The following GRM8 variants were observed in gnomAD, a reference collection of about 807,000 sequenced individuals.
The protein encoded by GRM8 is metabotropic glutamate receptor 8.
Under a neutral mutation model 87.2 loss-of-function variants are expected in GRM8, and 47 were observed. The observed-to-expected ratio is 0.54, with a 90% CI of 0.43 to 0.69. The LOEUF (loss-of-function observed/expected upper bound fraction) is 0.69. Among genes scored for constraint, GRM8 ranks in the 30% least tolerant of loss-of-function variants. GRM8 has a pLI of 0.00. For synonymous variants in GRM8, 396 were observed against 404.5 expected, an observed-to-expected ratio of 0.98 and a Z score of 0.25; for missense variants, 1,019 against 1,139.2, an observed-to-expected ratio of 0.89 and a Z score of 1.52.
intron 10 of GRM8, among the ~76,000 whole-genome samples, chr7:126,445,062 G>A (rs1449144398): frequency 1.3e-5 from 2 of 152,148 alleles, no homozygotes; most frequent in East Asian, 1.9e-4. Flanking sequence ...CTATTTGGAA[G>A]GCTGAGGTGG....
At chr7:126,563,703 T>G (rs535138775) in intron 8 of GRM8, among the ~76,000 whole-genome samples, 1 of 152,198 alleles carries the variant, frequency 6.6e-6, no homozygotes, top group Non-Finnish European at 1.5e-5. Flanking sequence ...GTTCTCCAAC[T>G]GAACCACTTG....
chr7:126,985,786 A>G (rs958647073), intron 3 of GRM8, among the ~76,000 whole-genome samples: 1 of 152,186 alleles, frequency 6.6e-6, no homozygotes, highest in Non-Finnish European at 1.5e-5. Flanking sequence ...TACATTAATC[A>G]GTTAATAAAG....
chr7:127,047,801 C>T (rs369382310), intron 3 of GRM8, among the ~76,000 whole-genome samples: 12 of 152,296 alleles, frequency 7.9e-5, no homozygotes, highest in Admixed American at 5.2e-4. Context: ...CACACCACTA[C>T]ACATAGCCTG....
chr7:126,648,587 T>C (rs952721158), intron 7 of GRM8, among the ~76,000 whole-genome samples: 5 of 152,256 alleles, frequency 3.3e-5, no homozygotes, highest in African/African-American at 7.2e-5. Context: ...ACAGGACAGA[T>C]TCATTAGCTG....
At chr7:126,625,550 C>T (rs1209958558) in intron 7 of GRM8, among the ~76,000 whole-genome samples, 1 of 152,034 alleles carries the variant, frequency 6.6e-6, no homozygotes, top group African/African-American at 2.4e-5. Flanking sequence ...GTGGAAATGT[C>T]TTCATGATCC....
chr7:126,715,663 C>T (rs77452608), intron 7 of GRM8, among the ~76,000 whole-genome samples: 7,635 of 152,112 alleles, frequency 0.05, 254 homozygotes, highest in Non-Finnish European at 0.055. Flanking sequence ...GAAAAAAATT[C>T]GTGGATAAAT....
At chr7:126,477,350 T>C (rs570188948) in intron 9 of GRM8, among the ~76,000 whole-genome samples, 35 of 152,050 alleles carry the variant, frequency 2.3e-4, no homozygotes, top group African/African-American at 8.2e-4. Flanking sequence ...ATACTAAAAA[T>C]TTGTTAAGAG....
At chr7:126,472,130 C>T (rs1805341485) in intron 9 of GRM8, among the ~76,000 whole-genome samples, 1 of 152,174 alleles carries the variant, frequency 6.6e-6, no homozygotes, top group African/African-American at 2.4e-5. Context: ...ATGTCATCTG[C>T]AAGCAGGGAC....
intron 3 of GRM8, among the ~76,000 whole-genome samples, chr7:127,087,002 G>GA (rs2132853602): frequency 1.3e-5 from 2 of 152,262 alleles, no homozygotes; most frequent in East Asian, 1.9e-4. Context: ...TTTCTCCAAG[G>GA]AAAAAATAAA....
intron 6 of GRM8, among the ~76,000 whole-genome samples, chr7:126,787,462 C>T (rs1164305892): frequency 6.6e-6 from 1 of 152,068 alleles, no homozygotes; most frequent in Non-Finnish European, 1.5e-5. Context: ...AACTCATTTA[C>T]CCTTAAAACA....
chr7:126,995,031 G>T (rs866345497), intron 3 of GRM8, among the ~76,000 whole-genome samples: 5 of 152,170 alleles, frequency 3.3e-5, no homozygotes, highest in African/African-American at 1.2e-4. Context: ...CCCAGCTCCA[G>T]GTGGTTCAGC....
chr7:127,196,814 T>C (rs945192724), intron 2 of GRM8, among the ~76,000 whole-genome samples: 1 of 152,184 alleles, frequency 6.6e-6, no homozygotes, highest in African/African-American at 2.4e-5. Flanking sequence ...TCCTGTAACA[T>C]AGAGATGATA....
At chr7:126,814,248 C>T (rs1432068455) in intron 6 of GRM8, among the ~76,000 whole-genome samples, 1 of 152,030 alleles carries the variant, frequency 6.6e-6, no homozygotes, top group African/African-American at 2.4e-5. Flanking sequence ...TGTTTACAAT[C>T]CTTTCCTACA....
At chr7:126,624,613 T>C (rs1315313766) in intron 7 of GRM8, among the ~76,000 whole-genome samples, 6 of 152,248 alleles carry the variant, frequency 3.9e-5, no homozygotes, top group Admixed American at 3.9e-4. Flanking sequence ...TTCTCCACCA[T>C]ATATATAGCT....
chr7:127,207,002 A>G (rs547397476), intron 2 of GRM8, among the ~76,000 whole-genome samples: 2 of 152,174 alleles, frequency 1.3e-5, no homozygotes, highest in Non-Finnish European at 2.9e-5. Context: ...GACCACAAAC[A>G]TGAATGCGTG....
At chr7:126,556,779 C>T (rs966550474) in intron 8 of GRM8, among the ~76,000 whole-genome samples, 1 of 152,062 alleles carries the variant, frequency 6.6e-6, no homozygotes, top group Admixed American at 6.6e-5. Flanking sequence ...CAAAAGACTC[C>T]AAATGTATGT....
chr7:127,014,824 CT>C (rs1159477897), intron 3 of GRM8, among the ~76,000 whole-genome samples: 1 of 151,326 alleles, frequency 6.6e-6, no homozygotes, highest in Admixed American at 6.6e-5. Context: ...TCAACTTCAA[CT>C]TAAGTGTGGC....
At chr7:126,775,479 G>GTTTT (rs372733476) in intron 6 of GRM8, among the ~76,000 whole-genome samples, 22 of 104,752 alleles carry the variant, frequency 2.1e-4, no homozygotes, top group African/African-American at 8.7e-4. Context: ...TGACAAATAG[G>GTTTT]TTTTTTTTTT....
chr7:126,509,074 T>C (rs917465697), intron 9 of GRM8, among the ~76,000 whole-genome samples: 3 of 152,082 alleles, frequency 2.0e-5, no homozygotes, highest in Admixed American at 6.6e-5. Context: ...TAATTATTCC[T>C]GGGAGCAAGA....
Sources: allele counts gnomAD v4.1 joint callset (sites outside exome capture counted in the v4.1 genomes callset), GRCh38; gene constraint gnomAD v4.1.1; transcripts MANE v1.5; gene names NCBI Gene and HGNC (gene_info 2026-07-23, HGNC 2026-07-21).